Variants in SPG7 observed in about 807,000 individuals in gnomAD.
SPG7 encodes mitochondrial inner membrane m-AAA protease component paraplegin.
A neutral mutation model predicts 81.9 loss-of-function variants in SPG7; 103 were observed. The ratio of observed to expected loss-of-function variants is 1.26; its 90% CI spans 1.07 to 1.48. The LOEUF (loss-of-function observed/expected upper bound fraction) is 1.48, where lower values mean the gene tolerates loss of function less well. Among genes scored for constraint, SPG7 ranks in the 40% most tolerant of loss-of-function variants. The pLI, the probability that SPG7 is intolerant of heterozygous loss-of-function variation, is 0.00. For missense variants in SPG7, 1,241 were observed against 1,087.3 expected (o/e 1.14, Z -1.99); for synonymous variants, 534 against 444.2 (o/e 1.20, Z -2.54).
At chr16:89,537,444 C>T (rs914130307) in intron 9 of SPG7, 4 of 1,018,122 alleles carry the variant, frequency 3.9e-6, no homozygotes, top group Non-Finnish European at 4.7e-6. Flanking sequence ...CTCCCTTCAA[C>T]GTAGTCATCC....
rs1555618072 is a variant in SPG7, at chr16:89,556,959, C to G, written c.2254C>G (p.His752Asp). Residue 752 changes from histidine to aspartate, a missense_variant, in exon 17 of 17, where the codon CAT (histidine) becomes GAT (aspartate). His to Asp is a moderately conservative substitution (Grantham distance 81). Transcript: ENST00000645818. The stretch of plus-strand genomic sequence containing the variant: ...TGAGGCTCTCATTGGCCCGCCGCCC[C>G]ATGGGCCGAAGAAAATGATCGCACC... The part of the protein sequence containing the change: ...DIEALIGPPP[H>D]GPKKMIAPQR... 4.3e-6 allele frequency: 7 copies of G among 1,614,064 alleles called. No individual in the cohort carries two copies. The highest frequency in any genetic ancestry group is 5.9e-6 in the Non-Finnish European group (7 of 1,179,962).
chr16:89,510,599 A>T lies in SPG7; in HGVS notation c.286+7A>T. ...AGACTCTGGCAACTTTTAGGTATGT[A>T]TCTGTTTAAAGAAGCAGCTGAGCAT... is the stretch of plus-strand genomic sequence containing the variant. On this transcript the variant is annotated splice_region_variant and intron_variant, in intron 2 of 16. Transcript: ENST00000645818. 6.4e-7 allele frequency: 1 copy of T among 1,562,072 alleles called. No homozygotes were observed. Among genetic ancestry groups the T allele is most frequent in the Non-Finnish European group, 8.8e-7 (1 of 1,132,912 alleles).
Position 89,546,761 on chromosome 16 carries a change from G to T in SPG7, c.1552+1G>T, listed in dbSNP as rs141644720. On this transcript the variant is annotated splice_donor_variant, in intron 11 of 16. Transcript: ENST00000645818. LOFTEE classifies it high-confidence loss of function. ...GCAGAGCTGACACCAGGATTCAGTG[G>T]TACGTTCTCAACCCGCAGCCTGGGC... 1.8e-5 allele frequency: 29 copies of T among 1,603,830 alleles called. No homozygotes were observed. Among genetic ancestry groups the T allele is most frequent in the Non-Finnish European group, 2.4e-5 (28 of 1,170,772 alleles).
chr16:89,536,001 C>G (rs2946629), intron 9 of SPG7, among the ~76,000 whole-genome samples: 972 of 61,976 alleles, frequency 0.016, 9 homozygotes, highest in South Asian at 0.022. Context: ...GTGGCCTTCA[C>G]TGTGGCCTCT....
chr16:89,532,883 T>C, intron 9 of SPG7: 2 of 512,068 alleles, frequency 3.9e-6, no homozygotes, highest in East Asian at 3.6e-5. Flanking sequence ...CAGGATTTCA[T>C]GAGCAGCCTG....
intron 9 of SPG7, among the ~76,000 whole-genome samples, chr16:89,534,243 T>C (rs867710304): frequency 6.6e-6 from 1 of 152,192 alleles, no homozygotes; most frequent in Non-Finnish European, 1.5e-5. Flanking sequence ...CTCATAGAAT[T>C]GGAGTCCTAC....
rs2058696707 is a variant in SPG7 at position 89,557,231 on chromosome 16, T to C, written c.*138T>C. On this transcript the variant is annotated 3_prime_UTR_variant, in exon 17 of 17. Transcript: ENST00000645818. ...CCTGCACAGTGACTTCTGAGATCTG[T>C]TGATTGATGACCCTTTTCATGATTT... is the stretch of plus-strand genomic sequence containing the variant. 2 of 633,784 alleles carry C rather than the reference T, an allele frequency of 3.2e-6. No individual in the cohort carries two copies. The highest frequency in any genetic ancestry group is 3.6e-5 in the South Asian group (2 of 55,238). 39.3% of individuals were successfully genotyped at this position (633,784 alleles called of 1,614,324 possible). A position where few individuals can be genotyped will look rare whatever the true frequency, so the allele number is the denominator to read the frequency against.
At chr16:89,531,000 T>C in intron 7 of SPG7, 192 bp downstream of exon 7, 1 of 740,210 alleles carries the variant, frequency 1.4e-6, no homozygotes, top group Middle Eastern at 3.7e-4. Flanking sequence ...CTCGTGCACA[T>C]GGTTCAGCCA....
chr16:89,527,607 A>G (rs998560330), intron 5 of SPG7, among the ~76,000 whole-genome samples: 1 of 152,220 alleles, frequency 6.6e-6, no homozygotes, highest in African/African-American at 2.4e-5. Context: ...AGACACAGGA[A>G]GGTGAAATTC....
chr16:89,515,650 T>G (rs995413538), intron 3 of SPG7, among the ~76,000 whole-genome samples: 21 of 150,294 alleles, frequency 1.4e-4, no homozygotes, highest in African/African-American at 5.1e-4. Context: ...CAAGGTGGGA[T>G]GATCACTTGA....
At chr16:89,522,184 T>G (rs988778780) in intron 3 of SPG7, 6 of 152,252 alleles carry the variant, frequency 3.9e-5, no homozygotes, top group African/African-American at 1.2e-4. Context: ...AACAAAACAG[T>G]GATATCTAAA....
At chr16:89,547,770 G>A (rs1411603478) in intron 11 of SPG7, 8 of 475,722 alleles carry the variant, frequency 1.7e-5, no homozygotes, top group Non-Finnish European at 2.7e-5. Flanking sequence ...TCACCACCAC[G>A]CCCGGCTAAT....
At chr16:89,531,214 C>T (rs1339920142) in intron 7 of SPG7, 2 of 347,546 alleles carry the variant, frequency 5.8e-6, no homozygotes, top group South Asian at 4.7e-5. Context: ...CCTGGCACCT[C>T]GAGGGGCTGA....
chr16:89,513,700 A>AGT (rs563943808), intron 3 of SPG7, among the ~76,000 whole-genome samples: 95 of 152,190 alleles, frequency 6.2e-4, no homozygotes, highest in Middle Eastern at 3.4e-3. Flanking sequence ...GAAGGGTTGA[A>AGT]CTCAGCTTCA....
chr16:89,547,393 G>A (rs1408176815), intron 11 of SPG7: 1 of 179,502 alleles, frequency 5.6e-6, no homozygotes, highest in East Asian at 1.5e-4. Context: ...CGGGCGTCAG[G>A]GCGGATGGAG....
intron 12 of SPG7, chr16:89,548,583 C>T: frequency 6.8e-6 from 2 of 295,404 alleles, no homozygotes; most frequent in South Asian, 2.9e-5. Flanking sequence ...ATCTGCAGCA[C>T]CACCTCTGGT....
intron 3 of SPG7, among the ~76,000 whole-genome samples, chr16:89,515,595 G>A (rs576224228): frequency 5.3e-5 from 8 of 150,152 alleles, no homozygotes; most frequent in Non-Finnish European, 8.9e-5. Flanking sequence ...AATTTGCTGG[G>A]TAGGTGCGGT....
chr16:89,554,559 A>G lies in SPG7; in HGVS notation c.2177A>G (p.Gln726Arg), dbSNP rs752094013. 1 of 1,607,404 alleles carries G rather than the reference A, an allele frequency of 6.2e-7. No individual in the cohort carries two copies. ...CTGCAGGACAACCTGGACAAGTTGCAGGCGGTGAGGCCCTGGCCAGGCGTG... is the reference window on the plus strand; with the variant it reads ...CTGCAGGACAACCTGGACAAGTTGCGGGCGGTGAGGCCCTGGCCAGGCGTG... ...KVLQDNLDKL[Q>R]ALANALLEKE... is the part of the protein sequence containing the mutation. The change falls in exon 16 of 17, where the codon CAG becomes CGG. Residue 726 changes from glutamine (Q) to arginine (R), a missense_variant. Transcript: ENST00000645818.
intron 3 of SPG7, chr16:89,521,437 C>T (rs1349827003): frequency 6.6e-6 from 1 of 152,234 alleles, no homozygotes; most frequent in Non-Finnish European, 1.5e-5. Context: ...CAAATCCAAG[C>T]TGTCATTTTA....
Sources: gnomAD v4.1 joint callset for allele counts (sites outside exome capture counted in the v4.1 genomes callset) on GRCh38, gnomAD v4.1.1 for gene constraint, MANE v1.5 for transcripts, NCBI Gene and HGNC (gene_info 2026-07-23, HGNC 2026-07-21) for gene names.